FBN1: variants seen among roughly 807,000 people sequenced by gnomAD.
FBN1 encodes the protein fibrillin-1.
FBN1 carries 29 observed loss-of-function variants against 365.1 expected under a neutral mutation model. The ratio of observed to expected loss-of-function variants is 0.08; its 90% confidence interval spans 0.06 to 0.11. The LOEUF (loss-of-function observed/expected upper bound fraction) is 0.11, where lower values mean the gene tolerates loss of function less well. FBN1 is among the 10% of genes least tolerant of loss of function. The pLI, the probability that FBN1 is intolerant of heterozygous loss-of-function variation, is 1.00. For synonymous variants in FBN1, 1,210 were observed against 1,270.5 expected (o/e 0.95, Z 1.01); for missense variants, 2,476 against 3,703.2 (o/e 0.67, Z 8.60).
intron 6 of FBN1, among the ~76,000 whole-genome samples, chr15:48,581,451 C>T (rs371121493): frequency 4.6e-5 from 7 of 152,152 alleles, no homozygotes; most frequent in South Asian, 2.1e-4. Context: ...TTCACACATC[C>T]GGATTATCCA....
chr15:48,430,584 A>G (rs776500192), intron 56 of FBN1, 87 bp downstream of exon 56: 6 of 1,502,918 alleles, frequency 4.0e-6, no homozygotes, highest in Non-Finnish European at 5.5e-6. Flanking sequence ...CGCCAAGAAC[A>G]GTATCCCAAG....
At chr15:48,610,168 G>T (rs1230393654) in intron 4 of FBN1, among the ~76,000 whole-genome samples, 2 of 152,132 alleles carry the variant, frequency 1.3e-5, no homozygotes, top group African/African-American at 2.4e-5. Context: ...GCAAGAAAAG[G>T]TTCTGAAGAA....
At chr15:48,515,780 C>T (rs886194516) in intron 11 of FBN1, among the ~76,000 whole-genome samples, 2 of 152,176 alleles carry the variant, frequency 1.3e-5, no homozygotes, top group African/African-American at 4.8e-5. Flanking sequence ...ACTCTCAAAC[C>T]TCTAGTTTGC....
In FBN1 at chr15:48,497,270, G is replaced by A. The variant is rs181311020; in HGVS notation, c.2289C>T (p.Cys763=). ...AAAATGGGTAAAACTTCTCACCAAC[G>A]CAGTTTTTCCCAGTTGAATCCACTT... ...GYEVDSTGKN[C]VDINECVLNS... Residue 763 remains cysteine, a synonymous_variant, in exon 19 of 66, where the codon TGC becomes TGT. Transcript: ENST00000316623. 4.8e-5 allele frequency: 78 copies of A among 1,613,906 alleles called. No homozygotes were observed. In the Admixed American group the frequency reaches 7.5e-4, roughly 16 times the overall value.
chr15:48,436,822 T>C, intron 53 of FBN1, 139 bp downstream of exon 53: 4 of 718,930 alleles, frequency 5.6e-6, no homozygotes, highest in Middle Eastern at 5.5e-4. Flanking sequence ...ACTAGTATTC[T>C]AAATGAATGA....
At chr15:48,430,857 A>C in intron 55 of FBN1, 55 bp from the exon 56 acceptor site, 1 of 1,569,698 alleles carries the variant, frequency 6.4e-7, no homozygotes, top group Non-Finnish European at 8.7e-7. Context: ...TATCTGCCTT[A>C]ATTACCTGAC....
chr15:48,644,823 C>A lies in FBN1; in HGVS notation c.-54G>T. Reference sequence around the variant, plus strand: ...CCTCTTGCCGCGCCCGGGGCTCGGTCTGCGGCCGCCGCTGCGCCCTGAAGC... The same window carrying A: ...CCTCTTGCCGCGCCCGGGGCTCGGTATGCGGCCGCCGCTGCGCCCTGAAGC... On this transcript the variant is annotated 5_prime_UTR_variant, in exon 2 of 66. Coordinates refer to ENST00000316623, the MANE Select transcript of FBN1 (RefSeq NM_000138.5). 2 of 1,554,536 alleles carry A rather than the reference C, an allele frequency of 1.3e-6. No homozygotes were observed. The highest frequency in any genetic ancestry group is 2.3e-5 in the South Asian group (2 of 87,726).
chr15:48,430,303 C>G (rs1458377199), intron 56 of FBN1, among the ~76,000 whole-genome samples: 1 of 152,178 alleles, frequency 6.6e-6, no homozygotes, highest in African/African-American at 2.4e-5. Flanking sequence ...TCAGAGGTAC[C>G]TGGCATTTGT....
chr15:48,499,371 T>C (rs1041976290), intron 17 of FBN1, among the ~76,000 whole-genome samples: 23 of 152,232 alleles, frequency 1.5e-4, no homozygotes. Context: ...TAAAATGTGG[T>C]TTCTTAACTG....
intron 32 of FBN1, among the ~76,000 whole-genome samples, chr15:48,475,996 T>C (rs2043415466): frequency 1.3e-5 from 2 of 152,230 alleles, no homozygotes; most frequent in Non-Finnish European, 2.9e-5. Flanking sequence ...GGCAGCCACA[T>C]GGACCTATCA....
intron 6 of FBN1, among the ~76,000 whole-genome samples, chr15:48,554,866 G>A (rs1249248089): frequency 6.6e-6 from 1 of 152,130 alleles, no homozygotes; most frequent in African/African-American, 2.4e-5. Context: ...GATGATAATA[G>A]GGTGTTTGTA....
intron 12 of FBN1, 48 bp from the exon 13 acceptor site, chr15:48,513,716 A>G (rs777717129): frequency 1.9e-6 from 3 of 1,609,928 alleles, no homozygotes; most frequent in South Asian, 2.2e-5. Flanking sequence ...GCAATACCTC[A>G]TAATTCTAAG....
At chr15:48,562,974 T>C (rs768457670) in intron 6 of FBN1, among the ~76,000 whole-genome samples, 2 of 152,116 alleles carry the variant, frequency 1.3e-5, no homozygotes, top group Non-Finnish European at 2.9e-5. Flanking sequence ...GTAAAGTCCT[T>C]TAGAGGAGGA....
At chr15:48,559,246 T>C (rs1361690905) in intron 6 of FBN1, among the ~76,000 whole-genome samples, 1 of 152,182 alleles carries the variant, frequency 6.6e-6, no homozygotes, top group Non-Finnish European at 1.5e-5. Flanking sequence ...GTACAGCCTG[T>C]TTCCTTTCTT....
rs953928387 is a variant in FBN1 at position 48,619,701 on chromosome 15, A to AT, written c.165-6610dup. Among the ~76,000 whole-genome samples, 462 of 146,778 alleles carry AT rather than the reference A, an allele frequency of 3.1e-3. 1 individual carries two copies. Among genetic ancestry groups the AT allele is most frequent in the Non-Finnish European group, 3.9e-3 (256 of 66,254 alleles). On this transcript the variant is annotated intron_variant, in intron 2 of 65. Coordinates refer to ENST00000316623, the MANE Select transcript of FBN1 (RefSeq NM_000138.5). ...CCCACAAGCACAAAGCTGTTCAACA[A>AT]TTTTTTTTTTTTACCAACCCAAAGG... is the stretch of plus-strand genomic sequence containing the variant.
chr15:48,456,937 T>G (rs1416812195), intron 43 of FBN1, among the ~76,000 whole-genome samples, 175 bp from the exon 44 acceptor site: 1 of 151,826 alleles, frequency 6.6e-6, no homozygotes, highest in Non-Finnish European at 1.5e-5. Flanking sequence ...TTGAGATAAC[T>G]AAACCACTTT....
chr15:48,471,563 T>C (rs534119496), intron 35 of FBN1, among the ~76,000 whole-genome samples: 2 of 152,264 alleles, frequency 1.3e-5, no homozygotes, highest in African/African-American at 4.8e-5. Flanking sequence ...TCCAAGGAGT[T>C]TTATATCAAA....
chr15:48,512,189 A>G (rs1249366774), intron 13 of FBN1, among the ~76,000 whole-genome samples: 2 of 152,240 alleles, frequency 1.3e-5, no homozygotes, highest in Non-Finnish European at 1.5e-5. Flanking sequence ...TTTTGAAGCC[A>G]GTTCACTGAT....
intron 13 of FBN1, among the ~76,000 whole-genome samples, chr15:48,511,108 G>A (rs1385546795): frequency 1.3e-5 from 2 of 152,186 alleles, no homozygotes; most frequent in Non-Finnish European, 2.9e-5. Flanking sequence ...ATTTGTCTGA[G>A]TATAAGTGCC....
Sources: gnomAD v4.1 joint callset for allele counts (sites outside exome capture counted in the v4.1 genomes callset) on GRCh38, gnomAD v4.1.1 for gene constraint, MANE v1.5 for transcripts, NCBI Gene and HGNC (gene_info 2026-07-23, HGNC 2026-07-21) for gene names.